CCM2L: variants seen among roughly 807,000 people sequenced by gnomAD.
CCM2L encodes cerebral cavernous malformations 2 protein-like.
CCM2L carries 36 observed loss-of-function variants against 54.1 expected under a neutral mutation model. The observed-to-expected ratio is 0.67, with a 90% confidence interval of 0.51 to 0.88. The LOEUF (loss-of-function observed/expected upper bound fraction) is 0.88, where lower values mean the gene tolerates loss of function less well. Ranked by LOEUF, CCM2L falls within the 40% of genes least tolerant of loss-of-function variation. The pLI is 0.00. For synonymous variants in CCM2L, 351 were observed against 359.3 expected (o/e 0.98, Z 0.26); for missense variants, 700 against 812.1 (o/e 0.86, Z 1.68).
intron 7 of CCM2L, 34 bp downstream of exon 7, chr20:32,025,953 C>G (rs1279410693): frequency 7.7e-7 from 1 of 1,293,750 alleles, no homozygotes; most frequent in Admixed American, 2.3e-5. Context: ...CTCCACCCTG[C>G]TCCCCTACCC....
At chr20:32,022,634 GCTCT>G (rs760306443) in intron 5 of CCM2L, 22 bp from the exon 6 acceptor site, 423 of 1,612,586 alleles carry the variant, frequency 2.6e-4, no homozygotes, top group Non-Finnish European at 3.4e-4. Flanking sequence ...GAGGACCTGA[GCTCT>G]CTCTCCTCCT....
intron 8 of CCM2L, 164 bp downstream of exon 8, chr20:32,029,288 G>C (rs2064896150): frequency 1.1e-6 from 1 of 902,602 alleles, no homozygotes; most frequent in Admixed American, 2.6e-5. Flanking sequence ...CTTGTGAAAG[G>C]CCTTAACTAA....
chr20:32,015,853 G>A (rs1280031932), intron 2 of CCM2L, among the ~76,000 whole-genome samples: 1 of 102,486 alleles, frequency 9.8e-6, no homozygotes, highest in Non-Finnish European at 1.9e-5. Flanking sequence ...CTTAGGAGCT[G>A]TACTTCTTTT....
Position 32,018,949 on chromosome 20 carries a change from G to A in CCM2L, c.473G>A (p.Gly158Asp), listed in dbSNP as rs1387461995. Residue 158 changes from glycine to aspartate, a missense_variant, in exon 5 of 10, where the codon GGT becomes GAT. Transcript: ENST00000452892. Reference protein sequence around the residue: ...LHLLVLKTGLGVDPVPAGVDA... With the variant: ...LHLLVLKTGLDVDPVPAGVDA... ...GTCCCCCGGACTCTCCTAGGTCTGG[G>A]TGTGGACCCGGTGCCGGCCGGCGTG... 2.0e-5 allele frequency: 28 copies of A among 1,398,172 alleles called. No individual in the cohort carries two copies. Among genetic ancestry groups the A allele is most frequent in the Non-Finnish European group, 2.5e-5 (27 of 1,079,954 alleles). The allele number at this position is 1,398,172 out of a possible 1,614,324, so 86.6% of individuals were successfully genotyped here.
At chr20:32,025,237 T>C (rs1164299898) in intron 6 of CCM2L, among the ~76,000 whole-genome samples, 1 of 151,322 alleles carries the variant, frequency 6.6e-6, no homozygotes, top group Non-Finnish European at 1.5e-5. Flanking sequence ...CTTTCCTCTT[T>C]CTTTCTTTCT....
intron 5 of CCM2L, among the ~76,000 whole-genome samples, chr20:32,021,936 T>C (rs2064809951): frequency 6.6e-6 from 1 of 152,210 alleles, no homozygotes; most frequent in South Asian, 2.1e-4. Flanking sequence ...TCTTTGGGCT[T>C]TTTTATTTTT....
rs201862826 is a variant in CCM2L, at chr20:32,029,769, C to T, written c.1333C>T (p.Leu445=). The change falls in exon 9 of 10, where the codon CTG becomes TTG. Residue 445 remains leucine (L), a synonymous_variant. Transcript: ENST00000452892. ...AMLLREYRLG[L]PIQDYCTGLL... ...GCTGCTGCGGGAGTACCGGCTGGGG[C>T]TGCCCATCCAGGACTATTGCACAGG... The T allele has an allele frequency of 5.4e-5, 87 of 1,613,534 alleles. No individual in the cohort carries two copies. In the East Asian group the frequency reaches 1.9e-3, roughly 36 times the overall value.
rs1363787792 is a variant in CCM2L, at chr20:32,018,179, CG to C, written c.466+22del. 7.7e-5 allele frequency: 51 copies of C among 666,208 alleles called. No individual in the cohort carries two copies. Among genetic ancestry groups the C allele is most frequent in the Admixed American group, 1.1e-4 (1 of 8,746 alleles). The allele number at this position is 666,208 out of a possible 1,614,324, so 41.3% of individuals were successfully genotyped here. A position where few individuals can be genotyped will look rare whatever the true frequency, so the allele number is the denominator to read the frequency against. On this transcript the variant is annotated intron_variant, in intron 4 of 9. Coordinates refer to ENST00000452892, the MANE Select transcript of CCM2L (RefSeq NM_001365692.1). ...TCAAGACCGGTGCGGCGGGAGGGGG[CG>C]GGGGCGGGGGAGGGGCGGGGGCGGG... is the stretch of plus-strand genomic sequence containing the variant.
In CCM2L at chr20:32,030,055, G is replaced by A. The variant is rs145609124; in HGVS notation, c.1402+217G>A. The stretch of plus-strand genomic sequence containing the variant: ...CACTGTTGATAAGAAGAACTAAGCA[G>A]TGGTGTGGCCATTTCATCCTCACAG... On this transcript the variant is annotated intron_variant, in intron 9 of 9. Coordinates refer to ENST00000452892, the MANE Select transcript of CCM2L (RefSeq NM_001365692.1). Among the ~76,000 whole-genome samples the A allele has an allele frequency of 3.1e-3, 472 of 152,270 alleles. 3 individuals are homozygous for A. Among genetic ancestry groups the A allele is most frequent in the African/African-American group, 9.9e-3 (411 of 41,544 alleles).
Position 32,029,729 on chromosome 20 carries a change from C to A in CCM2L, c.1293C>A (p.Ile431=). The A allele has an allele frequency of 1.9e-6, 3 of 1,612,936 alleles. No individual in the cohort carries two copies. The highest frequency in any genetic ancestry group is 2.5e-6 in the Non-Finnish European group (3 of 1,179,350). ...GGAGTAAGCTGGGGCCCCTCGAGATCCAGCAGTTTGCGATGCTGCTGCGGG... is the reference window on the plus strand; with the variant it reads ...GGAGTAAGCTGGGGCCCCTCGAGATACAGCAGTTTGCGATGCTGCTGCGGG... The part of the protein sequence containing the change: ...TLRSKLGPLE[I]QQFAMLLREY... The change falls in exon 9 of 10, where the codon ATC becomes ATA. Residue 431 remains isoleucine (I), a synonymous_variant. Coordinates refer to ENST00000452892, the MANE Select transcript of CCM2L (RefSeq NM_001365692.1).
chr20:32,029,804 G>A lies in CCM2L; in HGVS notation c.1368G>A (p.Lys456=), dbSNP rs776619849. ...PIQDYCTGLL[K]LYGDRRKFLL... ...AGGACTATTGCACAGGCCTGCTGAAGCTCTACGGAGACCGGCGCAAGTTCC... is the reference window on the plus strand; with the variant it reads ...AGGACTATTGCACAGGCCTGCTGAAACTCTACGGAGACCGGCGCAAGTTCC... The change falls in exon 9 of 10, where the codon AAG becomes AAA. Residue 456 remains lysine, a synonymous_variant. Transcript: ENST00000452892. 5.6e-6 allele frequency: 9 copies of A among 1,610,598 alleles called. No individual in the cohort carries two copies. In the Admixed American group the frequency reaches 1.0e-4, roughly 18 times the overall value.
chr20:32,018,853 C>T (rs2122333659), intron 4 of CCM2L, 90 bp from the exon 5 acceptor site: 6 of 1,216,354 alleles, frequency 4.9e-6, no homozygotes, highest in African/African-American at 4.8e-5. Context: ...ACCCCAGAGC[C>T]GCGAGGTCAG....
At chr20:32,030,773 T>TATA (rs1295714026) in intron 9 of CCM2L, among the ~76,000 whole-genome samples, 4 of 151,138 alleles carry the variant, frequency 2.6e-5, no homozygotes, top group African/African-American at 9.7e-5. Flanking sequence ...AGGCAGAGGC[T>TATA]ATAATAATAA....
chr20:32,015,198 G>T (rs188815520), intron 2 of CCM2L, 127 bp downstream of exon 2: 150 of 965,978 alleles, frequency 1.6e-4, no homozygotes, highest in Admixed American at 1.4e-3. Flanking sequence ...AAGAGGCCTG[G>T]GTTCATGTCA....
In CCM2L at chr20:32,029,076, C is replaced by T. The variant is rs371887373; in HGVS notation, c.1215C>T (p.Ser405=). 3.0e-5 allele frequency: 49 copies of T among 1,614,060 alleles called. 1 individual carries two copies. The South Asian group carries it at 3.1e-4, about 10-fold the overall frequency. The change falls in exon 8 of 10, where the codon AGC becomes AGT. Residue 405 remains serine (S), a synonymous_variant. Coordinates refer to ENST00000452892, the MANE Select transcript of CCM2L (RefSeq NM_001365692.1). ...TCCATGGCTCCCACTGCAGCGGCAGCGACCACAGCAGTCTGGGCTTGGAGC... is the reference window on the plus strand; with the variant it reads ...TCCATGGCTCCCACTGCAGCGGCAGTGACCACAGCAGTCTGGGCTTGGAGC... The part of the protein sequence containing the change: ...PSFHGSHCSG[S]DHSSLGLEQL...
At chr20:32,019,466 C>G in intron 5 of CCM2L, 57 bp downstream of exon 5, 1 of 1,256,792 alleles carries the variant, frequency 8.0e-7, no homozygotes, top group Non-Finnish European at 1.1e-6. Context: ...TGCTTCCCCG[C>G]CCCCACCTTG....
In CCM2L at chr20:32,029,071, G is replaced by A. The variant is rs867714353; in HGVS notation, c.1210G>A (p.Gly404Ser). 6.2e-6 allele frequency: 10 copies of A among 1,614,198 alleles called. No individual in the cohort carries two copies. The African/African-American group carries it at 9.3e-5, about 15-fold the overall frequency. ...TTCTTTCCATGGCTCCCACTGCAGC[G>A]GCAGCGACCACAGCAGTCTGGGCTT... ...TPSFHGSHCS[G>S]SDHSSLGLEQ... Residue 404 changes from glycine (G) to serine (S), a missense_variant, in exon 8 of 10, where the codon GGC becomes AGC. Transcript: ENST00000452892.
Position 32,014,887 on chromosome 20 carries a change from C to T in CCM2L, c.31-17C>T. The T allele has an allele frequency of 1.3e-6, 2 of 1,582,496 alleles. No homozygotes were observed. Among genetic ancestry groups the T allele is most frequent in the Non-Finnish European group, 8.6e-7 (1 of 1,166,976 alleles). ...AGCAGCCACTGTTATCACTCTCATT[C>T]CTCCTCTCCTCCCCAGGGCTTTGTA... is the stretch of plus-strand genomic sequence containing the variant. On this transcript the variant is annotated splice_polypyrimidine_tract_variant and intron_variant, in intron 1 of 9. Transcript: ENST00000452892.
chr20:32,015,757 C>T (rs369003118), intron 2 of CCM2L, among the ~76,000 whole-genome samples: 3 of 152,236 alleles, frequency 2.0e-5, no homozygotes, highest in South Asian at 2.1e-4. Flanking sequence ...ACAACTTTGA[C>T]ATTTCCCATG....
Sources: gnomAD v4.1 joint callset for allele counts (sites outside exome capture counted in the v4.1 genomes callset) on GRCh38, gnomAD v4.1.1 for gene constraint, MANE v1.5 for transcripts, NCBI Gene and HGNC (gene_info 2026-07-23, HGNC 2026-07-21) for gene names.